CACNA1C: variants seen among roughly 807,000 people sequenced by gnomAD.
The protein encoded by CACNA1C is voltage-dependent L-type calcium channel subunit alpha-1C.
Under a neutral mutation model 229.0 loss-of-function variants are expected in CACNA1C, and 30 were observed. The ratio of observed to expected loss-of-function variants is 0.13; its 90% confidence interval spans 0.10 to 0.18. CACNA1C has a LOEUF of 0.18. Among genes scored for constraint, CACNA1C ranks in the 10% least tolerant of loss-of-function variants. The pLI is 1.00. For synonymous variants in CACNA1C, 1,114 were observed against 1,132.5 expected, an observed-to-expected ratio of 0.98 and a Z score of 0.33; for missense variants, 1,658 against 2,845.0, an observed-to-expected ratio of 0.58 and a Z score of 9.49.
At chr12:2,477,437 G>A (rs1300545300) in intron 5 of CACNA1C, among the ~76,000 whole-genome samples, 1 of 152,166 alleles carries the variant, frequency 6.6e-6, no homozygotes, top group Non-Finnish European at 1.5e-5. Context: ...TAATGGAAAG[G>A]TGATGGTGGC....
At chr12:2,037,237 A>G (rs557127996) in intron 1 of CACNA1C, among the ~76,000 whole-genome samples, 2 of 152,304 alleles carry the variant, frequency 1.3e-5, no homozygotes, top group African/African-American at 2.4e-5. Context: ...ATTTACTTGT[A>G]TTCTCTTACC....
rs146302761 is a variant in CACNA1C, at chr12:2,178,306, G to A, written c.477+57876G>A. On this transcript the variant is annotated intron_variant, in intron 3 of 46. Transcript: ENST00000399655. ...TTGGAGGAGCCAGCGGCTGGCTATC[G>A]AGAAGGGAAGGGAGCTAGCACTTGC... 3.3e-3 allele frequency among the ~76,000 whole-genome samples: 507 copies of A among 152,312 alleles called. 2 individuals are homozygous for A. Among genetic ancestry groups the A allele is most frequent in the African/African-American group, 0.011 (465 of 41,560 alleles).
chr12:2,009,804 C>G (rs1206694500), intron 1 of CACNA1C, among the ~76,000 whole-genome samples: 3 of 152,126 alleles, frequency 2.0e-5, no homozygotes, highest in Admixed American at 6.5e-5. Context: ...AAGGGCACCC[C>G]CTCCTGGAAA....
chr12:2,408,927 G>T (rs1008308093), intron 3 of CACNA1C, among the ~76,000 whole-genome samples: 1 of 152,132 alleles, frequency 6.6e-6, no homozygotes, highest in African/African-American at 2.4e-5. Flanking sequence ...GAAGCCTATT[G>T]CCATCCTCCG....
intron 3 of CACNA1C, among the ~76,000 whole-genome samples, chr12:2,191,569 CAT>C (rs1333512462): frequency 6.6e-6 from 1 of 152,140 alleles, no homozygotes; most frequent in East Asian, 1.9e-4. Context: ...CATGCACTCA[CAT>C]GTACTCAAGC....
chr12:2,036,012 G>A (rs915188281), intron 1 of CACNA1C, among the ~76,000 whole-genome samples: 3 of 152,284 alleles, frequency 2.0e-5, no homozygotes, highest in African/African-American at 7.2e-5. Context: ...GTTATCTCTT[G>A]TAACACCTTC....
At chr12:2,489,634 A>G (rs1415194479) in intron 6 of CACNA1C, among the ~76,000 whole-genome samples, 2 of 152,226 alleles carry the variant, frequency 1.3e-5, no homozygotes, top group East Asian at 3.8e-4. Flanking sequence ...AAATGAAATC[A>G]TCTTCATTCT....
At chr12:2,680,667 G>C (rs2097103559) in intron 42 of CACNA1C, 1 of 1,119,202 alleles carries the variant, frequency 8.9e-7, no homozygotes, top group Non-Finnish European at 1.3e-6. Flanking sequence ...CCAAGGAGCA[G>C]GCACACCTGC....
chr12:2,611,766 G>A (rs955679672), intron 28 of CACNA1C, 137 bp from the exon 29 acceptor site: 16 of 609,346 alleles, frequency 2.6e-5, no homozygotes, highest in African/African-American at 2.6e-4. Flanking sequence ...CCCACGGAGA[G>A]GTGGGCGGCC....
intron 3 of CACNA1C, among the ~76,000 whole-genome samples, chr12:2,221,098 G>A (rs1029666789): frequency 2.6e-5 from 4 of 152,174 alleles, no homozygotes; most frequent in African/African-American, 7.2e-5. Flanking sequence ...CCTTCCGGGG[G>A]ATGGCATAGC....
At chr12:2,424,649 A>G (rs1595902227) in intron 3 of CACNA1C, among the ~76,000 whole-genome samples, 1 of 152,134 alleles carries the variant, frequency 6.6e-6, no homozygotes, top group Non-Finnish European at 1.5e-5. Context: ...TCGACAGTGC[A>G]GAAACTCACT....
chr12:2,318,408 T>C (rs4765916), intron 3 of CACNA1C, among the ~76,000 whole-genome samples: 5,711 of 152,292 alleles, frequency 0.038, 249 homozygotes, highest in African/African-American at 0.1. Flanking sequence ...TGTTGAGCCA[T>C]AAGCCAGCAC....
At chr12:2,592,687 T>C (rs557464388) in intron 18 of CACNA1C, among the ~76,000 whole-genome samples, 30 of 150,024 alleles carry the variant, frequency 2.0e-4, no homozygotes, top group African/African-American at 6.9e-4. Flanking sequence ...TGCCCTGTTA[T>C]CTCGACAGCA....
intron 2 of CACNA1C, among the ~76,000 whole-genome samples, chr12:2,120,046 C>A (rs1299707106): frequency 6.6e-6 from 1 of 152,202 alleles, no homozygotes; most frequent in Non-Finnish European, 1.5e-5. Flanking sequence ...CCAATGCAAT[C>A]TAAATAAATG....
At chr12:2,475,126 C>T (rs1425611159) in intron 5 of CACNA1C, among the ~76,000 whole-genome samples, 1 of 151,994 alleles carries the variant, frequency 6.6e-6, no homozygotes, top group African/African-American at 2.4e-5. Context: ...AGTGAAACCC[C>T]GTCTCTACTA....
intron 5 of CACNA1C, among the ~76,000 whole-genome samples, chr12:2,461,293 C>T (rs375354403): frequency 6.6e-6 from 1 of 152,196 alleles, no homozygotes; most frequent in Non-Finnish European, 1.5e-5. Flanking sequence ...TTTGAACCAC[C>T]GTTGCCCTTG....
Position 1,993,253 on chromosome 12 carries a change from G to A in CACNA1C, c.139+22052G>A, listed in dbSNP as rs748226266. 1.9e-6 allele frequency: 3 copies of A among 1,614,068 alleles called. No homozygotes were observed. In the South Asian group the frequency reaches 3.3e-5, roughly 18 times the overall value. ...GAAGTAAAACAACCCACTGTAGTAAGAAAGACTCACATCTGGCATTTCTGT... is the reference window on the plus strand; with the variant it reads ...GAAGTAAAACAACCCACTGTAGTAAAAAAGACTCACATCTGGCATTTCTGT... On this transcript the variant is annotated intron_variant, in intron 1 of 46. Transcript: ENST00000682462.
intron 1 of CACNA1C, among the ~76,000 whole-genome samples, chr12:2,061,691 C>T (rs559306933): frequency 9.8e-5 from 15 of 152,292 alleles, no homozygotes; most frequent in African/African-American, 3.4e-4. Flanking sequence ...TCCAAAGCCA[C>T]GCTGGCCTGA....
At chr12:2,675,094 T>C (rs1236965648) in intron 39 of CACNA1C, among the ~76,000 whole-genome samples, 4 of 152,214 alleles carry the variant, frequency 2.6e-5, no homozygotes, top group Non-Finnish European at 2.9e-5. Flanking sequence ...AGAGCAGTGT[T>C]TCTTGACCCT....
Sources: gnomAD v4.1 joint callset for allele counts (sites outside exome capture counted in the v4.1 genomes callset) on GRCh38, gnomAD v4.1.1 for gene constraint, MANE v1.5 for transcripts, NCBI Gene and HGNC (gene_info 2026-07-23, HGNC 2026-07-21) for gene names.